The following ASIC2 variants were observed in gnomAD, a reference collection of about 807,000 sequenced individuals.
The protein encoded by ASIC2 is acid sensing ion channel subunit 2, also known as acid-sensing ion channel 2.
A neutral mutation model predicts 57.3 loss-of-function variants in ASIC2; 25 were observed. The observed-to-expected ratio is 0.44, with a 90% CI of 0.32 to 0.61. The LOEUF is 0.61. ASIC2 is among the 20% of genes least tolerant of loss of function. The pLI, the probability that ASIC2 is intolerant of heterozygous loss-of-function variation, is 0.06. For missense variants in ASIC2, 641 were observed against 738.1 expected (o/e 0.87, Z 1.52); for synonymous variants, 319 against 307.5 (o/e 1.04, Z -0.39).
intron 3 of ASIC2, among the ~76,000 whole-genome samples, chr17:33,067,190 G>A (rs1260410877): frequency 2.0e-5 from 3 of 152,174 alleles, no homozygotes; most frequent in African/African-American, 7.2e-5. Flanking sequence ...GCCTAGGCAA[G>A]GGTTGAAAGA....
intron 2 of ASIC2, among the ~76,000 whole-genome samples, chr17:33,104,849 G>A (rs2092229132): frequency 2.0e-5 from 3 of 152,142 alleles, no homozygotes; most frequent in African/African-American, 7.2e-5. Flanking sequence ...TGCTTAACTA[G>A]GTATGTACCC....
At chr17:34,088,698 A>T (rs1184074607) in intron 1 of ASIC2, among the ~76,000 whole-genome samples, 1 of 152,222 alleles carries the variant, frequency 6.6e-6, no homozygotes, top group Non-Finnish European at 1.5e-5. Context: ...ACCCAGTTCA[A>T]GCTTCCCGGC....
chr17:33,762,130 T>C (rs1910803140), intron 1 of ASIC2, among the ~76,000 whole-genome samples: 1 of 152,024 alleles, frequency 6.6e-6, no homozygotes, highest in South Asian at 2.1e-4. Context: ...ACTCAGCAGG[T>C]GCTGAGAATG....
chr17:33,502,277 C>A (rs923312772), intron 1 of ASIC2, among the ~76,000 whole-genome samples: 1 of 152,166 alleles, frequency 6.6e-6, no homozygotes, highest in Non-Finnish European at 1.5e-5. Flanking sequence ...AGGGGGCATG[C>A]CCTCTAGGAA....
Position 33,989,577 on chromosome 17 carries a change from C to T in ASIC2, c.555+166401G>A, listed in dbSNP as rs558235297. Among the ~76,000 whole-genome samples, 25 of 151,170 alleles carry T rather than the reference C, an allele frequency of 1.7e-4. No individual in the cohort carries two copies. The South Asian group carries it at 2.9e-3, about 18-fold the overall frequency. ...TCCCAGTGCCACACCCACCACTTCC[C>T]GGCTAAGACCTTTAACAGGTAATTC... On this transcript the variant is annotated intron_variant, in intron 1 of 9. Transcript: ENST00000359872.
At chr17:33,084,576 A>AT in intron 3 of ASIC2, among the ~76,000 whole-genome samples, 1 of 152,232 alleles carries the variant, frequency 6.6e-6, no homozygotes, top group Non-Finnish European at 1.5e-5. Context: ...CAGTTTTGTC[A>AT]TCTGCAAAGT....
chr17:33,695,666 A>T (rs1252076293), intron 1 of ASIC2, among the ~76,000 whole-genome samples: 4 of 152,208 alleles, frequency 2.6e-5, no homozygotes, highest in Admixed American at 2.6e-4. Flanking sequence ...TTTGTATCAG[A>T]CAGATTTTAC....
intron 1 of ASIC2, among the ~76,000 whole-genome samples, chr17:33,677,982 C>T (rs1907879840): frequency 1.3e-5 from 2 of 152,148 alleles, no homozygotes; most frequent in South Asian, 4.1e-4. Flanking sequence ...TGCATGCTAC[C>T]TGTTAAATCC....
At chr17:34,107,842 G>A (rs186179237) in intron 1 of ASIC2, among the ~76,000 whole-genome samples, 2 of 152,112 alleles carry the variant, frequency 1.3e-5, no homozygotes, top group African/African-American at 4.8e-5. Context: ...ATTTAATTTG[G>A]GGGTTATACT....
intron 1 of ASIC2, among the ~76,000 whole-genome samples, chr17:33,351,829 A>G (rs1597694986): frequency 6.6e-6 from 1 of 152,290 alleles, no homozygotes; most frequent in East Asian, 1.9e-4. Flanking sequence ...CAGGGAAGGA[A>G]GAGACATGTA....
intron 1 of ASIC2, among the ~76,000 whole-genome samples, chr17:33,586,825 C>T (rs1904653879): frequency 6.6e-6 from 1 of 152,160 alleles, no homozygotes; most frequent in Non-Finnish European, 1.5e-5. Flanking sequence ...CAGCATTTAC[C>T]ACGATCTGCA....
intron 1 of ASIC2, chr17:33,529,888 A>T (rs546455938): frequency 1.3e-5 from 2 of 152,044 alleles, no homozygotes; most frequent in African/African-American, 4.8e-5. Flanking sequence ...AGACAGCGGG[A>T]CTCCTGCCTT....
chr17:33,240,172 C>A (rs1424375609), intron 1 of ASIC2, among the ~76,000 whole-genome samples: 1 of 152,186 alleles, frequency 6.6e-6, no homozygotes, highest in Non-Finnish European at 1.5e-5. Context: ...CCCATCCCTG[C>A]CCTGACCTGA....
intron 1 of ASIC2, among the ~76,000 whole-genome samples, chr17:33,582,184 A>G (rs536028335): frequency 6.6e-6 from 1 of 152,338 alleles, no homozygotes; most frequent in Admixed American, 6.5e-5. Flanking sequence ...GTAATCTACA[A>G]AATAGGAGAC....
At chr17:33,295,617 C>G (rs2142188229), upstream of ASIC2, among the ~76,000 whole-genome samples, 1 of 152,290 alleles carries the variant, frequency 6.6e-6, no homozygotes, top group Admixed American at 6.5e-5. Context: ...CCAAGCCTTT[C>G]TGCTGGACTA....
intron 1 of ASIC2, among the ~76,000 whole-genome samples, chr17:33,235,273 C>T (rs1162016149): frequency 6.6e-6 from 1 of 152,086 alleles, no homozygotes; most frequent in Non-Finnish European, 1.5e-5. Flanking sequence ...TCAGGTAGTC[C>T]ATTTTAACAG....
intron 1 of ASIC2, among the ~76,000 whole-genome samples, chr17:33,595,577 G>T (rs1420093380): frequency 6.6e-6 from 1 of 152,224 alleles, no homozygotes; most frequent in Non-Finnish European, 1.5e-5. Flanking sequence ...CTCCCAGGAA[G>T]TTCTATTGTG....
At chr17:33,272,397 A>G (rs1904531074) in intron 1 of ASIC2, among the ~76,000 whole-genome samples, 1 of 152,218 alleles carries the variant, frequency 6.6e-6, no homozygotes, top group Admixed American at 6.5e-5. Context: ...AGCACACAGT[A>G]GGCACTCAAT....
intron 1 of ASIC2, among the ~76,000 whole-genome samples, chr17:33,800,852 T>A (rs560815927): frequency 3.6e-4 from 55 of 152,280 alleles, no homozygotes; most frequent in African/African-American, 1.3e-3. Flanking sequence ...TCATTACCAC[T>A]GTATGGATGG....
Sources: gnomAD v4.1 joint callset for allele counts (sites outside exome capture counted in the v4.1 genomes callset) on GRCh38, gnomAD v4.1.1 for gene constraint, MANE v1.5 for transcripts, NCBI Gene and HGNC (gene_info 2026-07-23, HGNC 2026-07-21) for gene names.